Variants in CRACDL observed in about 807,000 individuals in gnomAD.
The protein encoded by CRACDL is CRACD like.
In CRACDL, 26 loss-of-function variants were observed where a neutral mutation model predicts 70.6. The observed-to-expected ratio is 0.37, with a 90% confidence interval of 0.27 to 0.51. CRACDL has a LOEUF of 0.51. Ranked by LOEUF, CRACDL falls within the 20% of genes least tolerant of loss-of-function variation. The pLI is 0.94. For missense variants in CRACDL, 1,283 were observed against 1,376.9 expected (o/e 0.93, Z 1.08); for synonymous variants, 618 against 615.2 (o/e 1.00, Z -0.07).
rs528419761 is a variant in CRACDL, at chr2:98,924,398, A to C, written c.-11+11540T>G. Reference sequence around the variant, plus strand: ...ACTTCAGTTTCTTCACCTCAAAACAAAGATAATCATTTCTGCTTTTAATTA... The same window carrying C: ...ACTTCAGTTTCTTCACCTCAAAACACAGATAATCATTTCTGCTTTTAATTA... On this transcript the variant is annotated intron_variant, in intron 1 of 9. Coordinates refer to ENST00000397899, the MANE Select transcript of CRACDL (RefSeq NM_207362.3). Among the ~76,000 whole-genome samples the C allele has an allele frequency of 2.0e-3, 301 of 152,334 alleles. 2 individuals are homozygous for C. Among genetic ancestry groups the C allele is most frequent in the African/African-American group, 7.0e-3 (291 of 41,562 alleles).
chr2:98,794,865 C>A (rs1703732189), intron 9 of CRACDL, among the ~76,000 whole-genome samples, 194 bp from the exon 10 acceptor site: 1 of 151,584 alleles, frequency 6.6e-6, no homozygotes, highest in Non-Finnish European at 1.5e-5. Flanking sequence ...GACTTATGAG[C>A]AAGCTCAAAC....
At chr2:98,870,406 A>G (rs1169532135) in intron 1 of CRACDL, among the ~76,000 whole-genome samples, 1 of 152,232 alleles carries the variant, frequency 6.6e-6, no homozygotes, top group African/African-American at 2.4e-5. Context: ...TGACAGAAGA[A>G]AGCAGTGAGT....
chr2:98,900,783 C>T (rs1363669383), intron 1 of CRACDL, among the ~76,000 whole-genome samples: 4 of 152,166 alleles, frequency 2.6e-5, no homozygotes, highest in South Asian at 2.1e-4. Flanking sequence ...CTGAAAATGA[C>T]GCAAGGGCCC....
intron 1 of CRACDL, among the ~76,000 whole-genome samples, chr2:98,873,612 C>A (rs1253215665): frequency 1.3e-5 from 2 of 152,264 alleles, no homozygotes; most frequent in Admixed American, 1.3e-4. Context: ...ACTTAGCCCA[C>A]CGCCCCTCTA....
Position 98,838,156 on chromosome 2 carries a change from A to C in CRACDL, c.202T>G (p.Ser68Ala). 6.2e-7 allele frequency: 1 copy of C among 1,613,764 alleles called. No individual in the cohort carries two copies. The highest frequency in any genetic ancestry group is 1.1e-5 in the South Asian group (1 of 90,974). The change falls in exon 3 of 10, where the codon TCC (serine) becomes GCC (alanine). Residue 68 changes from serine to alanine, a missense_variant. Ser to Ala is a moderately conservative substitution (Grantham distance 99). Around this residue, in one of 2 missense-constraint regions of CRACDL, gnomAD observed 362 missense variants for 495.0 expected, o/e 0.73. Coordinates refer to ENST00000397899, the MANE Select transcript of CRACDL (RefSeq NM_207362.3). ...TCGGAGTCGTAGCCCACTGGCCCGG[A>C]TTCGATGGCAATGACCTCATTCCTC... ...QTRNEVIAIE[S>A]GPVGYDSEDE...
chr2:98,823,000 G>T lies in CRACDL; in HGVS notation c.1273C>A (p.Pro425Thr). Residue 425 changes from proline (P) to threonine (T), a missense_variant, in exon 7 of 10, where the codon CCC (proline) becomes ACC (threonine). By Grantham distance (38) the Pro-to-Thr change is conservative (BLOSUM62 -1). This residue lies in a region of CRACDL where 921 missense variants were observed against 881.9 expected (regional missense o/e 1.04). Coordinates refer to ENST00000397899, the MANE Select transcript of CRACDL (RefSeq NM_207362.3). This position sits in a 1 kb window ranked among gnomAD's most constrained non-coding sequence, Gnocchi z 4.9. The part of the protein sequence containing the change: ...ETDPAATSEA[P>T]SARDGPERSV... Reference sequence around the variant, plus strand: ...CGTTCTGGCCCGTCGCGAGCAGAGGGCGCCTCTGAGGTGGCGGCGGGGTCA... The same window carrying T: ...CGTTCTGGCCCGTCGCGAGCAGAGGTCGCCTCTGAGGTGGCGGCGGGGTCA... The T allele has an allele frequency of 6.7e-7, 1 of 1,500,444 alleles. No homozygotes were observed. The allele number at this position is 1,500,444 out of a possible 1,614,324, so 92.9% of individuals were successfully genotyped here. A position where few individuals can be genotyped will look rare whatever the true frequency, so the allele number is the denominator to read the frequency against.
intron 1 of CRACDL, among the ~76,000 whole-genome samples, chr2:98,854,943 T>A (rs1045206076): frequency 1.3e-5 from 2 of 152,198 alleles, no homozygotes; most frequent in Non-Finnish European, 2.9e-5. Context: ...CATAATAACA[T>A]CACATCAACT....
At chr2:98,883,765 A>C (rs1026164670) in intron 1 of CRACDL, among the ~76,000 whole-genome samples, 1 of 152,214 alleles carries the variant, frequency 6.6e-6, no homozygotes, top group African/African-American at 2.4e-5. Context: ...GCCTGGGCCT[A>C]GTAAGTTTCT....
chr2:98,892,085 T>G (rs978817735), intron 1 of CRACDL, among the ~76,000 whole-genome samples: 1 of 152,152 alleles, frequency 6.6e-6, no homozygotes, highest in Non-Finnish European at 1.5e-5. Flanking sequence ...ATACTGCTTG[T>G]AGGAGTAAAA....
intron 1 of CRACDL, among the ~76,000 whole-genome samples, chr2:98,919,230 C>G (rs1419855667): frequency 6.6e-6 from 1 of 152,114 alleles, no homozygotes; most frequent in African/African-American, 2.4e-5. Flanking sequence ...GTTACTTTAG[C>G]CTTTTAGTAT....
chr2:98,866,339 G>C (rs1225026105), intron 1 of CRACDL, among the ~76,000 whole-genome samples: 2 of 152,106 alleles, frequency 1.3e-5, no homozygotes, highest in Non-Finnish European at 2.9e-5. Flanking sequence ...TCCATGAGGA[G>C]AGATAACATG....
chr2:98,805,201 T>A (rs1704235911), intron 7 of CRACDL, among the ~76,000 whole-genome samples: 1 of 152,120 alleles, frequency 6.6e-6, no homozygotes, highest in South Asian at 2.1e-4. Context: ...TCTGGTGTAT[T>A]CAGTCTGGAA....
intron 1 of CRACDL, among the ~76,000 whole-genome samples, chr2:98,851,084 C>G (rs17022012): frequency 0.026 from 3,931 of 152,172 alleles, 162 homozygotes; most frequent in African/African-American, 0.09. Context: ...TTCCCTAATC[C>G]CACACCACTC....
intron 1 of CRACDL, among the ~76,000 whole-genome samples, chr2:98,891,282 C>A (rs1573154092): frequency 6.9e-6 from 1 of 144,398 alleles, no homozygotes; most frequent in East Asian, 2.1e-4. Flanking sequence ...GAGGCTGAGG[C>A]AGGAGAATCA....
intron 1 of CRACDL, among the ~76,000 whole-genome samples, chr2:98,927,161 G>A (rs562640921): frequency 6.6e-6 from 1 of 152,328 alleles, no homozygotes; most frequent in South Asian, 2.1e-4. Context: ...CCCTGTGGAC[G>A]GAGGTGGAGG....
chr2:98,837,519 A>G (rs188666058), intron 3 of CRACDL, among the ~76,000 whole-genome samples: 87 of 152,340 alleles, frequency 5.7e-4, no homozygotes, highest in Non-Finnish European at 1.1e-3. Context: ...AGTCACAGGA[A>G]TAACTGCTAG....
At chr2:98,834,553 T>A (rs923336544) in intron 3 of CRACDL, among the ~76,000 whole-genome samples, 13 of 152,216 alleles carry the variant, frequency 8.5e-5, no homozygotes, top group South Asian at 6.2e-4. Context: ...TCTTATATTT[T>A]AAAAAAATGA....
intron 7 of CRACDL, among the ~76,000 whole-genome samples, chr2:98,805,741 C>T (rs543419734): frequency 9.2e-5 from 14 of 152,350 alleles, no homozygotes; most frequent in African/African-American, 3.4e-4. Flanking sequence ...GCTGCCAGGG[C>T]CAAACTGCCC....
chr2:98,925,933 G>A (rs1392140841), intron 1 of CRACDL, among the ~76,000 whole-genome samples: 1 of 152,104 alleles, frequency 6.6e-6, no homozygotes, highest in Non-Finnish European at 1.5e-5. Context: ...ACAATATGGG[G>A]TGGGCAGGAG....
Sources: allele counts gnomAD v4.1 joint callset (sites outside exome capture counted in the v4.1 genomes callset), GRCh38; gene constraint gnomAD v4.1.1; regional missense constraint gnomAD v4.1.1; non-coding constraint Gnocchi (gnomAD v3.1); transcripts MANE v1.5; gene names NCBI Gene and HGNC (gene_info 2026-07-23, HGNC 2026-07-21).